RTBDN: variants seen among roughly 807,000 people sequenced by gnomAD.
RTBDN encodes the protein retbindin.
RTBDN carries 24 observed loss-of-function variants against 21.9 expected under a neutral mutation model. The ratio of observed to expected loss-of-function variants is 1.10; its 90% CI spans 0.79 to 1.54. RTBDN has a LOEUF of 1.54. Among genes scored for constraint, RTBDN ranks in the 40% most tolerant of loss-of-function variants. RTBDN has a pLI of 0.00. For synonymous variants in RTBDN, 141 were observed against 125.9 expected, an observed-to-expected ratio of 1.12 and a Z score of -0.80; for missense variants, 325 against 315.2, an observed-to-expected ratio of 1.03 and a Z score of -0.23.
rs116015015 is a variant in RTBDN at position 12,827,301 on chromosome 19, G to A, written c.366-430C>T. 3.0e-3 allele frequency among the ~76,000 whole-genome samples: 455 copies of A among 150,084 alleles called. 3 individuals carry two copies. The highest frequency in any genetic ancestry group is 0.011 in the African/African-American group (434 of 40,608). Reference sequence around the variant, plus strand: ...CTCAAGTACCTGGGACTATAGGTGCGCACCATCATGTCCGATTAATTTTTT... The same window carrying A: ...CTCAAGTACCTGGGACTATAGGTGCACACCATCATGTCCGATTAATTTTTT... On this transcript the variant is annotated intron_variant, in intron 4 of 5. Transcript: ENST00000674343.
chr19:12,829,194 CTT>C (rs142640807), intron 2 of RTBDN, among the ~76,000 whole-genome samples: 9,966 of 146,754 alleles, frequency 0.068, 439 homozygotes, highest in African/African-American at 0.12. Context: ...AATCCTTTTC[CTT>C]TTTTTTTTTT....
upstream of RTBDN, chr19:12,834,703 T>A (rs981206148): frequency 6.5e-7 from 1 of 1,544,650 alleles, no homozygotes; most frequent in Admixed American, 1.7e-5. The surrounding 1 kb of genome is among the most constrained non-coding windows in gnomAD (Gnocchi z 4.7). Context: ...GAGCCGTGCG[T>A]CCACTGCACG....
chr19:12,834,724 C>T (rs995623414), upstream of RTBDN: 6 of 1,585,694 alleles, frequency 3.8e-6, no homozygotes, highest in African/African-American at 8.1e-5. This position sits in a 1 kb window ranked among gnomAD's most constrained non-coding sequence, Gnocchi z 4.7. Flanking sequence ...GAGTGGGACA[C>T]TGAGGATCGC....
intron 2 of RTBDN, among the ~76,000 whole-genome samples, 167 bp downstream of exon 2, chr19:12,829,644 T>G (rs947916572): frequency 1.3e-5 from 2 of 152,252 alleles, no homozygotes; most frequent in African/African-American, 4.8e-5. Context: ...GAGTTGGGAT[T>G]TGAACCCAGG....
intron 4 of RTBDN, among the ~76,000 whole-genome samples, chr19:12,828,100 A>G (rs1257236325): frequency 2.6e-5 from 4 of 151,232 alleles, no homozygotes; most frequent in Non-Finnish European, 4.4e-5. Flanking sequence ...TCTCAAAAAA[A>G]AAAAAAAGAA....
Position 12,830,012 on chromosome 19 carries a change from G to A in RTBDN, c.-18-15C>T. The A allele has an allele frequency of 6.3e-7, 1 of 1,593,822 alleles. No homozygotes were observed. The highest frequency in any genetic ancestry group is 1.1e-5 in the South Asian group (1 of 90,268). ...TGAGATAAGAGCTGGCAGGCATAGG[G>A]TGGGGTTCAGCCATCCCTTTCTGTG... On this transcript the variant is annotated splice_polypyrimidine_tract_variant and intron_variant, in intron 1 of 5. Transcript: ENST00000674343. This position sits in a 1 kb window ranked among gnomAD's most constrained non-coding sequence, Gnocchi z 4.2.
chr19:12,833,412 G>A (rs535309146), intron 1 of RTBDN, among the ~76,000 whole-genome samples: 1 of 152,056 alleles, frequency 6.6e-6, no homozygotes, highest in South Asian at 2.1e-4. Flanking sequence ...TCGTGGGGAG[G>A]GGGATGGCTT....
chr19:12,827,957 G>A (rs993424075), intron 4 of RTBDN, among the ~76,000 whole-genome samples: 9 of 152,008 alleles, frequency 5.9e-5, no homozygotes. Flanking sequence ...GCCGGGCGTG[G>A]TGGCGGAAGC....
At chr19:12,833,990 G>A in intron 1 of RTBDN, 1 of 397,914 alleles carries the variant, frequency 2.5e-6, no homozygotes, top group South Asian at 1.3e-4. Context: ...GGCCTCATCC[G>A]CCGCCGGAGG....
In RTBDN at chr19:12,830,242, G is replaced by T. The variant is rs1193372454; in HGVS notation, c.-18-245C>A. 3.2e-6 allele frequency: 4 copies of T among 1,256,174 alleles called. No individual in the cohort carries two copies. Among genetic ancestry groups the T allele is most frequent in the Non-Finnish European group, 4.0e-6 (4 of 996,614 alleles). The allele number at this position is 1,256,174 out of a possible 1,614,324, so 77.8% of individuals were successfully genotyped here. A position where few individuals can be genotyped will look rare whatever the true frequency, so the allele number is the denominator to read the frequency against. ...TTCAGTGCCACCCCAACCAAGCTTAGACCACAGTGGCCCTCCTCCCATCCA... is the reference window on the plus strand; with the variant it reads ...TTCAGTGCCACCCCAACCAAGCTTATACCACAGTGGCCCTCCTCCCATCCA... On this transcript the variant is annotated intron_variant, in intron 1 of 5. Transcript: ENST00000674343. This position sits in a 1 kb window ranked among gnomAD's most constrained non-coding sequence, Gnocchi z 4.2.
chr19:12,835,014 C>G (rs933038440), upstream of RTBDN: 2 of 1,588,144 alleles, frequency 1.3e-6, no homozygotes, highest in Non-Finnish European at 1.7e-6. Flanking sequence ...TAGATAAAGC[C>G]GAGAATGGGC....
chr19:12,831,804 T>G (rs2145863088), intron 1 of RTBDN, among the ~76,000 whole-genome samples: 1 of 152,310 alleles, frequency 6.6e-6, no homozygotes, highest in East Asian at 1.9e-4. Flanking sequence ...GAGAAAAACA[T>G]CCCTGCAGAG....
intron 3 of RTBDN, 36 bp from the exon 4 acceptor site, chr19:12,828,803 G>A (rs752980644): frequency 3.3e-5 from 54 of 1,613,638 alleles, no homozygotes; most frequent in Middle Eastern, 1.7e-4. Context: ...GATGGGTCAG[G>A]ACCCGAGGGA....
intron 5 of RTBDN, 194 bp from the exon 6 acceptor site, chr19:12,826,127 C>A: frequency 6.5e-6 from 9 of 1,383,618 alleles, no homozygotes; most frequent in Non-Finnish European, 8.4e-6. Context: ...TGGGCCCTAG[C>A]GGGATGAATC....
rs1372253404 is a variant in RTBDN at position 12,834,114 on chromosome 19, C to T, written c.-19+375G>A. On this transcript the variant is annotated intron_variant, in intron 1 of 5. Coordinates refer to ENST00000674343, the MANE Select transcript of RTBDN (RefSeq NM_001270441.2). The surrounding 1 kb of genome is among the most constrained non-coding windows in gnomAD (Gnocchi z 4.7). ...ACTAGGGTCAGCCGGGACGCCCCCA[C>T]CCATAGGTTCGGGACGCTAACCGCG... 7.5e-6 allele frequency: 3 copies of T among 400,420 alleles called. No homozygotes were observed. Among genetic ancestry groups the T allele is most frequent in the Admixed American group, 4.3e-5 (1 of 23,038 alleles). The allele number at this position is 400,420 out of a possible 1,614,324, so 24.8% of individuals were successfully genotyped here.
chr19:12,828,560 G>A, intron 4 of RTBDN, 97 bp downstream of exon 4: 1 of 860,054 alleles, frequency 1.2e-6, no homozygotes. Flanking sequence ...CCTGTTGGAG[G>A]CCACTCCCCT....
intron 1 of RTBDN, among the ~76,000 whole-genome samples, chr19:12,831,579 G>A (rs1969576046): frequency 6.6e-6 from 1 of 152,162 alleles, no homozygotes; most frequent in Non-Finnish European, 1.5e-5. Flanking sequence ...GGTGGCACAT[G>A]CTTGTAATCT....
In RTBDN at chr19:12,829,839, A is replaced by G; in HGVS notation, c.141T>C (p.Asp47=). ...CCAGGTGCAGCTTGCCTTTGCCCAG[A>G]TCAGCTGCCAGCCCATGGTGTTGCT... ...RSQQHHGLAA[D]LGKGKLHLAG... is the part of the protein sequence containing the mutation. The change falls in exon 2 of 6, where the codon GAT becomes GAC. Residue 47 remains aspartate, a synonymous_variant. Transcript: ENST00000674343. The G allele has an allele frequency of 6.2e-7, 1 of 1,613,650 alleles. No individual in the cohort carries two copies. The highest frequency in any genetic ancestry group is 8.5e-7 in the Non-Finnish European group (1 of 1,179,604).
rs1430803971 is a variant in RTBDN at position 12,825,698 on chromosome 19, C to A, written c.*8G>T. ...GGGTCGCTCCCCCAACTCAGGGCCACGCGTCCGCTAGGGGCCGCTGCCGCT... is the reference window on the plus strand; with the variant it reads ...GGGTCGCTCCCCCAACTCAGGGCCAAGCGTCCGCTAGGGGCCGCTGCCGCT... On this transcript the variant is annotated 3_prime_UTR_variant, in exon 6 of 6. Transcript: ENST00000674343. 2 of 1,556,214 alleles carry A rather than the reference C, an allele frequency of 1.3e-6. No homozygotes were observed. Among genetic ancestry groups the A allele is most frequent in the East Asian group, 2.4e-5 (1 of 41,418 alleles).
Sources: allele counts gnomAD v4.1 joint callset (sites outside exome capture counted in the v4.1 genomes callset), GRCh38; gene constraint gnomAD v4.1.1; non-coding constraint Gnocchi (gnomAD v3.1); transcripts MANE v1.5; gene names NCBI Gene and HGNC (gene_info 2026-07-23, HGNC 2026-07-21).